The following DBX2 variants were observed in gnomAD, a reference collection of about 807,000 sequenced individuals.
DBX2 encodes homeobox protein DBX2.
A neutral mutation model predicts 17.7 loss-of-function variants in DBX2; 16 were observed. The ratio of observed to expected loss-of-function variants is 0.90; its 90% CI spans 0.61 to 1.37. DBX2 has a LOEUF of 1.37. Ranked by LOEUF, DBX2 falls within the 40% of genes most tolerant of loss-of-function variation. DBX2 has a pLI of 0.00. For synonymous variants in DBX2, 255 were observed against 183.8 expected (o/e 1.39, Z -3.13); for missense variants, 538 against 433.8 (o/e 1.24, Z -2.13).
chr12:45,036,723 G>C (rs970988344), intron 1 of DBX2, among the ~76,000 whole-genome samples: 2 of 152,106 alleles, frequency 1.3e-5, no homozygotes, highest in African/African-American at 4.8e-5. Flanking sequence ...GAAACATATA[G>C]TTAGTTGGAT....
At chr12:45,039,527 A>G (rs193300841) in intron 1 of DBX2, among the ~76,000 whole-genome samples, 17 of 151,744 alleles carry the variant, frequency 1.1e-4, no homozygotes, top group East Asian at 9.7e-4. Flanking sequence ...TGCCATCTAG[A>G]TGCAGTTGCT....
At chr12:45,018,895 G>A (rs1344655597) in intron 3 of DBX2, among the ~76,000 whole-genome samples, 1 of 151,460 alleles carries the variant, frequency 6.6e-6, no homozygotes, top group Admixed American at 6.6e-5. Context: ...CAGGATAAAA[G>A]TACAAATGCC....
chr12:45,034,641 T>C (rs1174603682), intron 2 of DBX2, among the ~76,000 whole-genome samples: 1 of 152,224 alleles, frequency 6.6e-6, no homozygotes, highest in East Asian at 1.9e-4. Flanking sequence ...AGTCCCTGTA[T>C]ACACTCAGCT....
intron 2 of DBX2, among the ~76,000 whole-genome samples, chr12:45,026,939 A>G (rs1946384184): frequency 6.6e-6 from 1 of 152,142 alleles, no homozygotes; most frequent in Admixed American, 6.5e-5. Flanking sequence ...TGCCAAGATC[A>G]TATCTTGAAG....
Position 45,016,245 on chromosome 12 carries a change from A to G in DBX2, c.*41T>C. The G allele has an allele frequency of 1.3e-6, 2 of 1,522,484 alleles. No homozygotes were observed. Among genetic ancestry groups the G allele is most frequent in the Non-Finnish European group, 1.8e-6 (2 of 1,137,434 alleles). The allele number at this position is 1,522,484 out of a possible 1,614,324, so 94.3% of individuals were successfully genotyped here. A position where few individuals can be genotyped will look rare whatever the true frequency, so the allele number is the denominator to read the frequency against. ...CTGGCATTAGAGTCCAGATGTTACT[A>G]TTAAGCGTTCTTTTAAATGAACACG... On this transcript the variant is annotated 3_prime_UTR_variant, in exon 4 of 4. Transcript: ENST00000332700.
At chr12:45,029,970 C>T (rs908951129) in intron 2 of DBX2, among the ~76,000 whole-genome samples, 1 of 151,914 alleles carries the variant, frequency 6.6e-6, no homozygotes, top group Non-Finnish European at 1.5e-5. Context: ...CCTGGATTCC[C>T]TGGATTCCAG....
rs576917576 is a variant in DBX2, at chr12:45,040,563, T to G, written c.404-4449A>C. ...CTAAAATTATGTATTCAGAGAAAACTTCATGAACTTTCCGTATGACTTATT... is the reference window on the plus strand; with the variant it reads ...CTAAAATTATGTATTCAGAGAAAACGTCATGAACTTTCCGTATGACTTATT... On this transcript the variant is annotated intron_variant, in intron 1 of 3. Coordinates refer to ENST00000332700, the MANE Select transcript of DBX2 (RefSeq NM_001004329.3). Among the ~76,000 whole-genome samples, 14 of 152,262 alleles carry G rather than the reference T, an allele frequency of 9.2e-5. No homozygotes were observed. The Middle Eastern group carries it at 0.017, about 185-fold the overall frequency.
intron 2 of DBX2, 38 bp from the exon 3 acceptor site, chr12:45,023,932 CT>C: frequency 6.6e-7 from 1 of 1,519,988 alleles, no homozygotes. Context: ...GCCCAGTTAG[CT>C]TTAGAAAGAA....
chr12:45,018,999 G>C (rs1018624064), intron 3 of DBX2, among the ~76,000 whole-genome samples: 6 of 152,076 alleles, frequency 3.9e-5, no homozygotes, highest in African/African-American at 9.6e-5. Context: ...GGGGGAAATG[G>C]TGAGTTATTG....
At chr12:45,019,468 T>C (rs1197180879) in intron 3 of DBX2, among the ~76,000 whole-genome samples, 1 of 152,034 alleles carries the variant, frequency 6.6e-6, no homozygotes, top group South Asian at 2.1e-4. Flanking sequence ...GGTGGAGCTT[T>C]TGCAAAAAGG....
intron 1 of DBX2, among the ~76,000 whole-genome samples, chr12:45,047,815 A>C (rs966172343): frequency 6.6e-6 from 1 of 152,192 alleles, no homozygotes; most frequent in African/African-American, 2.4e-5. Flanking sequence ...TCACAAGTTC[A>C]TATATGATTA....
In DBX2 at chr12:45,016,016, CA is replaced by C; in HGVS notation, c.*269del. Reference sequence around the variant, plus strand: ...ACACATAGAGACAAACACATATATACACATACTCAGAGCAGGGACCGAGCCA... The same window carrying C: ...ACACATAGAGACAAACACATATATACCATACTCAGAGCAGGGACCGAGCCA... On this transcript the variant is annotated 3_prime_UTR_variant, in exon 4 of 4. Transcript: ENST00000332700. The C allele has an allele frequency of 3.2e-6, 1 of 316,182 alleles. No homozygotes were observed. Among genetic ancestry groups the C allele is most frequent in the Non-Finnish European group, 5.8e-6 (1 of 173,204 alleles). The allele number at this position is 316,182 out of a possible 1,614,324, so 19.6% of individuals were successfully genotyped here.
At position 45,023,903 on chromosome 12, in the gene DBX2, G is replaced by C; in HGVS notation, c.500-9C>G. ...CAGCATGCTCTCTTCTCCTAGAGTCGAGGGAAAAAGATACAAAAGCCCAGT... is the reference window on the plus strand; with the variant it reads ...CAGCATGCTCTCTTCTCCTAGAGTCCAGGGAAAAAGATACAAAAGCCCAGT... On this transcript the variant is annotated splice_polypyrimidine_tract_variant and intron_variant, in intron 2 of 3. Transcript: ENST00000332700. 6.5e-7 allele frequency: 1 copy of C among 1,534,924 alleles called. No individual in the cohort carries two copies.
At chr12:45,036,316 C>T (rs1028607394) in intron 1 of DBX2, among the ~76,000 whole-genome samples, 4 of 152,092 alleles carry the variant, frequency 2.6e-5, no homozygotes, top group Non-Finnish European at 4.4e-5. Context: ...AGTGAAAAGA[C>T]GCAAAGAGAC....
chr12:45,023,687 A>G lies in DBX2; in HGVS notation c.687+20T>C. 2 of 1,613,812 alleles carry G rather than the reference A, an allele frequency of 1.2e-6. No individual in the cohort carries two copies. Among genetic ancestry groups the G allele is most frequent in the Non-Finnish European group, 1.7e-6 (2 of 1,179,830 alleles). ...TCAGAAGAAATCAGAGGCAGTAGAC[A>G]TCTTCCTGCTTATTAGTACCTGTGA... On this transcript the variant is annotated intron_variant, in intron 3 of 3. Coordinates refer to ENST00000332700, the MANE Select transcript of DBX2 (RefSeq NM_001004329.3).
chr12:45,021,344 A>C (rs186110941), intron 3 of DBX2, among the ~76,000 whole-genome samples: 50 of 152,314 alleles, frequency 3.3e-4, no homozygotes, highest in African/African-American at 1.2e-3. Flanking sequence ...GCAAACAAAT[A>C]GGAAAATAGT....
chr12:45,042,989 A>T (rs1371288800), intron 1 of DBX2, among the ~76,000 whole-genome samples: 1 of 152,102 alleles, frequency 6.6e-6, no homozygotes, highest in Non-Finnish European at 1.5e-5. Context: ...ACTCGAGGAG[A>T]TTCCTTGCTC....
chr12:45,024,955 G>A lies in DBX2; in HGVS notation c.500-1061C>T, dbSNP rs1254334412. On this transcript the variant is annotated intron_variant, in intron 2 of 3. Coordinates refer to ENST00000332700, the MANE Select transcript of DBX2 (RefSeq NM_001004329.3). ...TACTCTTTCTGCCTTTTTGTGCCTA[G>A]CACAATACTGGTTCCCATGCTCTGA... 3.9e-5 allele frequency among the ~76,000 whole-genome samples: 6 copies of A among 152,174 alleles called. No homozygotes were observed. The East Asian group carries it at 1.2e-3, about 29-fold the overall frequency.
chr12:45,046,508 A>C (rs1254505673), intron 1 of DBX2, among the ~76,000 whole-genome samples: 1 of 152,212 alleles, frequency 6.6e-6, no homozygotes, highest in African/African-American at 2.4e-5. Flanking sequence ...AGTGTCAGCA[A>C]CAGAAAGCTC....
Sources: allele counts gnomAD v4.1 joint callset (sites outside exome capture counted in the v4.1 genomes callset), GRCh38; gene constraint gnomAD v4.1.1; transcripts MANE v1.5; gene names NCBI Gene and HGNC (gene_info 2026-07-23, HGNC 2026-07-21).